Variants in WDR17 observed in about 807,000 individuals in gnomAD.
The protein encoded by WDR17 is WD repeat-containing protein 17.
In WDR17, 143 loss-of-function variants were observed where a neutral mutation model predicts 161.7. The observed-to-expected ratio is 0.88, with a 90% CI of 0.77 to 1.02. The LOEUF is 1.02. Among genes scored for constraint, WDR17 ranks in the 50% least tolerant of loss-of-function variants. The pLI, the probability that WDR17 is intolerant of heterozygous loss-of-function variation, is 0.00. For missense variants in WDR17, 1,469 were observed against 1,520.9 expected (o/e 0.97, Z 0.57); for synonymous variants, 517 against 515.6 (o/e 1.00, Z -0.04).
intron 2 of WDR17, among the ~76,000 whole-genome samples, chr4:176,113,834 GA>G (rs925097976): frequency 6.6e-6 from 1 of 151,888 alleles, no homozygotes; most frequent in African/African-American, 2.4e-5. Context: ...AATGGTATTA[GA>G]ATTTTTCTTT....
chr4:176,113,705 G>A (rs1740146617), intron 2 of WDR17, among the ~76,000 whole-genome samples: 1 of 151,824 alleles, frequency 6.6e-6, no homozygotes, highest in African/African-American at 2.4e-5. Flanking sequence ...TATTTTCAGA[G>A]GAAATATTTA....
At position 176,163,169 on chromosome 4, in the gene WDR17, C is replaced by G. The variant is rs747048043; in HGVS notation, c.2866C>G (p.Leu956Val). 2 of 1,614,030 alleles carry G rather than the reference C, an allele frequency of 1.2e-6. No individual in the cohort carries two copies. Among genetic ancestry groups the G allele is most frequent in the South Asian group, 2.2e-5 (2 of 91,086 alleles). Reference protein sequence around the residue: ...IDNIELAMAYLIRGNELELAV... With the variant: ...IDNIELAMAYVIRGNELELAV... ...ATTGAGCAAGCTTGCTATGGCATAC[C>G]TGATTCGCGGAAATGAACTGGAGTT... Residue 956 changes from leucine to valine, a missense_variant, in exon 22 of 29, where the codon CTG becomes GTG. Transcript: ENST00000508596.
In WDR17 at chr4:176,160,103, A is replaced by G. The variant is rs756003383; in HGVS notation, c.2635A>G (p.Lys879Glu). Residue 879 changes from lysine to glutamate, a missense_variant, in exon 19 of 29, where the codon AAA (lysine) becomes GAA (glutamate). Physicochemically the swap from Lys to Glu is moderately conservative, Grantham distance 56. Coordinates refer to ENST00000508596, the MANE Select transcript of WDR17 (RefSeq NM_181265.4). ...VHFFMSRGQL[K>E]EALLVAQAAC... ...TTTTTTCATGTCAAGAGGTCAGCTT[A>G]AAGAAGCTCTGCTTGTTGCACAGGT... 6.8e-6 allele frequency: 11 copies of G among 1,613,682 alleles called. No homozygotes were observed. Among genetic ancestry groups the G allele is most frequent in the South Asian group, 1.1e-5 (1 of 91,044 alleles).
In WDR17 at chr4:176,124,573, A is replaced by G. The variant is rs555564832; in HGVS notation, c.539-531A>G. ...GGTTTTAAAACTCTGTGAGATAAGT[A>G]TTGTTATCTTCTCCATTATTAAAAA... On this transcript the variant is annotated intron_variant, in intron 4 of 28. Coordinates refer to ENST00000508596, the MANE Select transcript of WDR17 (RefSeq NM_181265.4). 7.4e-4 allele frequency among the ~76,000 whole-genome samples: 113 copies of G among 152,146 alleles called. 1 individual carries two copies. The highest frequency in any genetic ancestry group is 1.3e-3 in the Non-Finnish European group (90 of 68,016).
chr4:176,155,649 A>T (rs1312994720), intron 17 of WDR17, among the ~76,000 whole-genome samples: 1 of 141,508 alleles, frequency 7.1e-6, no homozygotes, highest in East Asian at 2.1e-4. Context: ...GGCTCAAACG[A>T]TCCTGTCCAC....
At chr4:176,174,854 A>T in intron 26 of WDR17, 136 bp downstream of exon 26, 3 of 480,056 alleles carry the variant, frequency 6.2e-6, no homozygotes, top group Non-Finnish European at 1.1e-5. Context: ...TGTGCTTTAT[A>T]ATAAAGCAGC....
chr4:176,094,127 T>C (rs139231237), intron 1 of WDR17, among the ~76,000 whole-genome samples: 3 of 152,302 alleles, frequency 2.0e-5, no homozygotes, highest in Non-Finnish European at 4.4e-5. Flanking sequence ...AACAATTTCT[T>C]AAGTGATTTT....
chr4:176,152,689 C>A (rs1366284517), intron 17 of WDR17, among the ~76,000 whole-genome samples: 1 of 150,114 alleles, frequency 6.7e-6, no homozygotes, highest in African/African-American at 2.4e-5. Flanking sequence ...AACCCTACCA[C>A]TTTAGGAGGC....
intron 1 of WDR17, among the ~76,000 whole-genome samples, chr4:176,086,730 C>T (rs1377080103): frequency 2.6e-5 from 4 of 151,544 alleles, no homozygotes; most frequent in Non-Finnish European, 4.4e-5. Context: ...AATGTAGATG[C>T]TAATTTTATT....
chr4:176,158,125 A>G (rs940813595), intron 18 of WDR17, among the ~76,000 whole-genome samples: 2 of 152,188 alleles, frequency 1.3e-5, no homozygotes, highest in African/African-American at 2.4e-5. Context: ...AAGGGTTTTA[A>G]TTTTAAATAG....
chr4:176,067,232 C>T (rs1162326958), intron 1 of WDR17, among the ~76,000 whole-genome samples: 1 of 152,090 alleles, frequency 6.6e-6, no homozygotes, highest in Non-Finnish European at 1.5e-5. Context: ...AGAACCTTTC[C>T]CCTCCTATCA....
chr4:176,174,715 C>T lies in WDR17; in HGVS notation c.3446C>T (p.Thr1149Ile). The T allele has an allele frequency of 6.3e-7, 1 of 1,597,438 alleles. No individual in the cohort carries two copies. Among genetic ancestry groups the T allele is most frequent in the Non-Finnish European group, 8.5e-7 (1 of 1,169,798 alleles). ...ATTGTTCCAGCACTTTATGAGTACA[C>T]AAGGTAAAAAAGGTTTTTTCCTCCA... ...QSIVPALYEY[T>I]SQLLKRREVS... Residue 1149 changes from threonine to isoleucine, a missense_variant, in exon 26 of 29, where the codon ACA (threonine) becomes ATA (isoleucine). Transcript: ENST00000508596.
At chr4:176,066,914 AG>A (rs1274338267) in intron 1 of WDR17, among the ~76,000 whole-genome samples, 3 of 152,230 alleles carry the variant, frequency 2.0e-5, no homozygotes, top group African/African-American at 7.2e-5. Flanking sequence ...GTGAGATTAT[AG>A]TTGCCGTTCT....
chr4:176,150,277 G>A, intron 15 of WDR17, 104 bp downstream of exon 15: 1 of 1,514,520 alleles, frequency 6.6e-7, no homozygotes, highest in Non-Finnish European at 8.9e-7. Flanking sequence ...TAATTCATTG[G>A]GTAACTCTTA....
At position 176,182,064 on chromosome 4, in the gene WDR17, T is replaced by C. The variant is rs1267794972; in HGVS notation, c.*2485T>C. The stretch of plus-strand genomic sequence containing the variant: ...AAACAAATTTTTTAATTCATAAAAG[T>C]ATTTTTATTAGATTTCATATGCATG... On this transcript the variant is annotated 3_prime_UTR_variant, in exon 29 of 29. Transcript: ENST00000508596. The surrounding 1 kb of genome is among the most constrained non-coding windows in gnomAD (Gnocchi z 4.2). 6.6e-6 allele frequency: 1 copy of C among 152,090 alleles called. No individual in the cohort carries two copies. The highest frequency in any genetic ancestry group is 2.4e-5 in the African/African-American group (1 of 41,460). 9.4% of individuals were successfully genotyped at this position (152,090 alleles called of 1,614,324 possible).
At position 176,167,757 on chromosome 4, in the gene WDR17, G is replaced by T. The variant is rs530350643; in HGVS notation, c.2991-915G>T. ...ACTCCTCACCTAGTGATTTGAAGAGGATTTTACAGAAAATATTTTAATATA... is the reference window on the plus strand; with the variant it reads ...ACTCCTCACCTAGTGATTTGAAGAGTATTTTACAGAAAATATTTTAATATA... On this transcript the variant is annotated intron_variant, in intron 22 of 28. Coordinates refer to ENST00000508596, the MANE Select transcript of WDR17 (RefSeq NM_181265.4). Among the ~76,000 whole-genome samples the T allele has an allele frequency of 9.9e-5, 15 of 151,526 alleles. No homozygotes were observed. The South Asian group carries it at 3.1e-3, about 32-fold the overall frequency.
chr4:176,133,258 T>TAA (rs199845273), intron 7 of WDR17, among the ~76,000 whole-genome samples: 3 of 96,734 alleles, frequency 3.1e-5, no homozygotes, highest in Non-Finnish European at 6.2e-5. Context: ...CTCCTCTCTC[T>TAA]AAAAAAAAAA....
At chr4:176,125,822 A>C (rs1742364556) in intron 5 of WDR17, among the ~76,000 whole-genome samples, 1 of 152,184 alleles carries the variant, frequency 6.6e-6, no homozygotes, top group South Asian at 2.1e-4. Context: ...TAATCTATAA[A>C]CCATAAAAGG....
At chr4:176,067,730 T>C (rs879298463) in intron 1 of WDR17, among the ~76,000 whole-genome samples, 23 of 152,224 alleles carry the variant, frequency 1.5e-4, no homozygotes, top group Non-Finnish European at 3.1e-4. Context: ...TAGGGCTAGA[T>C]TGCTTTTGTT....
Sources: allele counts gnomAD v4.1 joint callset (sites outside exome capture counted in the v4.1 genomes callset), GRCh38; gene constraint gnomAD v4.1.1; non-coding constraint Gnocchi (gnomAD v3.1); transcripts MANE v1.5; gene names NCBI Gene and HGNC (gene_info 2026-07-23, HGNC 2026-07-21).